Variants in ZNF454 observed in about 807,000 individuals in gnomAD.
The protein encoded by ZNF454 is zinc finger protein 454.
In ZNF454, 30 loss-of-function variants were observed where a neutral mutation model predicts 48.2. The observed-to-expected ratio is 0.62, with a 90% CI of 0.47 to 0.84. The LOEUF (loss-of-function observed/expected upper bound fraction) is 0.84. Ranked by LOEUF, ZNF454 falls within the 40% of genes least tolerant of loss-of-function variation. The pLI, the probability that ZNF454 is intolerant of heterozygous loss-of-function variation, is 0.00. For missense variants in ZNF454, 510 were observed against 623.1 expected, an observed-to-expected ratio of 0.82 and a Z score of 1.93; for synonymous variants, 204 against 211.4, an observed-to-expected ratio of 0.97 and a Z score of 0.30.
Position 178,941,414 on chromosome 5 carries a change from C to G in ZNF454, c.-138C>G. 1 of 456,672 alleles carries G rather than the reference C, an allele frequency of 2.2e-6. No individual in the cohort carries two copies. The highest frequency in any genetic ancestry group is 4.4e-6 in the Non-Finnish European group (1 of 226,962). The allele number at this position is 456,672 out of a possible 1,614,324, so 28.3% of individuals were successfully genotyped here. A position where few individuals can be genotyped will look rare whatever the true frequency, so the allele number is the denominator to read the frequency against. On this transcript the variant is annotated 5_prime_UTR_variant, in exon 1 of 5. Coordinates refer to ENST00000519564, the MANE Select transcript of ZNF454 (RefSeq NM_001178089.3). The surrounding 1 kb of genome is among the most constrained non-coding windows in gnomAD (Gnocchi z 5.5). ...GCGGGTTGTGGTCCATTCTGGAGGA[C>G]GCTGATCGAATGCCCCAAACTTCCC...
chr5:178,947,216 G>A (rs760302868), intron 4 of ZNF454, among the ~76,000 whole-genome samples: 12 of 152,166 alleles, frequency 7.9e-5, no homozygotes, highest in East Asian at 1.9e-4. Context: ...CCTGTTTGGC[G>A]TAGATTAGTA....
chr5:178,965,745 A>G lies in ZNF454; in HGVS notation c.1341A>G (p.Lys447=), dbSNP rs749363807. Residue 447 remains lysine (K), a synonymous_variant, in exon 5 of 5, where the codon AAA becomes AAG. Transcript: ENST00000519564. The surrounding 1 kb of genome is among the most constrained non-coding windows in gnomAD (Gnocchi z 5.2). ...EKPYTCNICE[K]AFSDHSALTQ... ...CTTATACATGTAACATATGTGAAAAAGCCTTCAGTGACCATTCAGCCCTTA... is the reference window on the plus strand; with the variant it reads ...CTTATACATGTAACATATGTGAAAAGGCCTTCAGTGACCATTCAGCCCTTA... The G allele has an allele frequency of 6.2e-7, 1 of 1,614,186 alleles. No individual in the cohort carries two copies.
chr5:178,973,670 C>T, the ZNF454 span, among the ~76,000 whole-genome samples: 17 of 152,136 alleles, frequency 1.1e-4, no homozygotes, highest in Admixed American at 5.9e-4. Context: ...GGTGAAACCC[C>T]GTCTCTACTA....
At chr5:178,964,484 C>T (rs1002121280) in intron 4 of ZNF454, among the ~76,000 whole-genome samples, 171 bp from the exon 5 acceptor site, 1 of 152,148 alleles carries the variant, frequency 6.6e-6, no homozygotes, top group African/African-American at 2.4e-5. Flanking sequence ...TGAGATCAAC[C>T]CCTGCTGTAG....
chr5:178,986,264 T>C, the ZNF454 span: 1 of 1,614,064 alleles, frequency 6.2e-7, no homozygotes, highest in South Asian at 1.1e-5. Flanking sequence ...GCAGAGTAGC[T>C]GAGGGTCGTG....
chr5:178,943,233 AT>A (rs1246306081), intron 2 of ZNF454, among the ~76,000 whole-genome samples: 1 of 152,212 alleles, frequency 6.6e-6, no homozygotes, highest in Non-Finnish European at 1.5e-5. Context: ...TACAGGAAGC[AT>A]GGTGTCAGCA....
chr5:178,961,078 G>T (rs1294957470), intron 4 of ZNF454, among the ~76,000 whole-genome samples: 4 of 151,244 alleles, frequency 2.6e-5, no homozygotes, highest in African/African-American at 9.7e-5. Flanking sequence ...TTACAGGTGC[G>T]TGCCACTGCA....
chr5:178,946,706 G>T lies in ZNF454; in HGVS notation c.161-191G>T, dbSNP rs1759351616. ...GGTCAAATGCTTTCTTTCTGGCAAG[G>T]AGGGGAACATGGGATAAGATTGTGT... On this transcript the variant is annotated intron_variant, in intron 3 of 4. Transcript: ENST00000519564. This position sits in a 1 kb window ranked among gnomAD's most constrained non-coding sequence, Gnocchi z 4.5. Among the ~76,000 whole-genome samples the T allele has an allele frequency of 6.6e-6, 1 of 152,182 alleles. No homozygotes were observed.
At position 178,941,359 on chromosome 5, in the gene ZNF454, G is replaced by A; in HGVS notation, c.-193G>A. ...CGGGAGCGGTCGTGAGGTCGTCTGGGGAGAAGGGCGGAGGCAAAGCCGAGG... is the reference window on the plus strand; with the variant it reads ...CGGGAGCGGTCGTGAGGTCGTCTGGAGAGAAGGGCGGAGGCAAAGCCGAGG... On this transcript the variant is annotated 5_prime_UTR_variant, in exon 1 of 5. Coordinates refer to ENST00000519564, the MANE Select transcript of ZNF454 (RefSeq NM_001178089.3). This position sits in a 1 kb window ranked among gnomAD's most constrained non-coding sequence, Gnocchi z 5.5. 1 of 455,556 alleles carries A rather than the reference G, an allele frequency of 2.2e-6. No individual in the cohort carries two copies. The highest frequency in any genetic ancestry group is 4.4e-6 in the Non-Finnish European group (1 of 226,410). 28.2% of individuals were successfully genotyped at this position (455,556 alleles called of 1,614,324 possible).
chr5:178,956,520 A>AG (rs33954189), intron 4 of ZNF454, among the ~76,000 whole-genome samples: 2 of 13,370 alleles, frequency 1.5e-4, no homozygotes, highest in Non-Finnish European at 1.0e-3. Flanking sequence ...TCCTGAAAAG[A>AG]AAAAAAAAAA....
chr5:178,962,265 G>C (rs1298143493), intron 4 of ZNF454, among the ~76,000 whole-genome samples: 3 of 151,544 alleles, frequency 2.0e-5, no homozygotes, highest in African/African-American at 7.3e-5. Context: ...TTCAAAGGTA[G>C]TGTATCATTT....
the ZNF454 span, chr5:178,981,006 TCCCGGGG>T: frequency 4.5e-4 from 69 of 154,002 alleles, no homozygotes; most frequent in African/African-American, 1.5e-3. This position sits in a 1 kb window ranked among gnomAD's most constrained non-coding sequence, Gnocchi z 5.1. Flanking sequence ...CCTTGCCCAA[TCCCGGGG>T]GGATGGGGGA....
chr5:178,987,775 T>C, the ZNF454 span, among the ~76,000 whole-genome samples: 5 of 152,216 alleles, frequency 3.3e-5, no homozygotes, highest in Non-Finnish European at 7.4e-5. Flanking sequence ...ATTTATTTAT[T>C]TAGAGACAGA....
rs1203724227 is a variant in ZNF454, at chr5:178,941,789, C to G, written c.-108+345C>G. ...CCTCCCGCCCAGCTCACACAAACGC[C>G]GCTTCTGCCCACCCGTGACTCCAGG... On this transcript the variant is annotated intron_variant, in intron 1 of 4. Coordinates refer to ENST00000519564, the MANE Select transcript of ZNF454 (RefSeq NM_001178089.3). This position sits in a 1 kb window ranked among gnomAD's most constrained non-coding sequence, Gnocchi z 5.5. Among the ~76,000 whole-genome samples, 1 of 152,170 alleles carries G rather than the reference C, an allele frequency of 6.6e-6. No homozygotes were observed. The highest frequency in any genetic ancestry group is 1.5e-5 in the Non-Finnish European group (1 of 68,042).
chr5:178,972,355 C>T, the ZNF454 span, among the ~76,000 whole-genome samples: 1 of 152,148 alleles, frequency 6.6e-6, no homozygotes, highest in African/African-American at 2.4e-5. Flanking sequence ...AAATCTTTGA[C>T]CCTAAAAGGT....
At chr5:178,971,149 G>A (rs1299599248), downstream of ZNF454, among the ~76,000 whole-genome samples, 1 of 152,250 alleles carries the variant, frequency 6.6e-6, no homozygotes, top group East Asian at 1.9e-4. Context: ...AGCCAAAAGA[G>A]GCAGAGGAGA....
chr5:178,947,834 C>T (rs928958942), intron 4 of ZNF454, among the ~76,000 whole-genome samples: 4 of 152,056 alleles, frequency 2.6e-5, no homozygotes, highest in South Asian at 4.2e-4. Context: ...ATGCAGTAGG[C>T]GGGAATTTAT....
At chr5:178,985,717 A>AAAAC in the ZNF454 span, 1,843 of 418,602 alleles carry the variant, frequency 4.4e-3, 22 homozygotes, top group South Asian at 0.013. Context: ...AAAAAAAACA[A>AAAAC]AACAACACAG....
At chr5:178,988,039 A>G in the ZNF454 span, among the ~76,000 whole-genome samples, 13 of 152,252 alleles carry the variant, frequency 8.5e-5, no homozygotes, top group African/African-American at 2.6e-4. This position sits in a 1 kb window ranked among gnomAD's most constrained non-coding sequence, Gnocchi z 6.0. Flanking sequence ...AGATTACAGG[A>G]GTGAGCCATT....
Sources: allele counts gnomAD v4.1 joint callset (sites outside exome capture counted in the v4.1 genomes callset), GRCh38; gene constraint gnomAD v4.1.1; non-coding constraint Gnocchi (gnomAD v3.1); transcripts MANE v1.5; gene names NCBI Gene and HGNC (gene_info 2026-07-23, HGNC 2026-07-21).